PLOD2: variants seen among roughly 807,000 people sequenced by gnomAD.
The protein encoded by PLOD2 is procollagen-lysine,2-oxoglutarate 5-dioxygenase 2, also known as lysine hydroxylase 2.
Under a neutral mutation model 101.0 loss-of-function variants are expected in PLOD2, and 65 were observed. The ratio of observed to expected loss-of-function variants is 0.64; its 90% CI spans 0.53 to 0.79. PLOD2 has a LOEUF of 0.79. Among genes scored for constraint, PLOD2 ranks in the 30% least tolerant of loss-of-function variants. The pLI is 0.00. For synonymous variants in PLOD2, 314 were observed against 302.9 expected (o/e 1.04, Z -0.38); for missense variants, 909 against 914.6 (o/e 0.99, Z 0.08).
intron 15 of PLOD2, among the ~76,000 whole-genome samples, chr3:146,073,822 A>G (rs1181752208): frequency 4.0e-5 from 6 of 151,626 alleles, no homozygotes; most frequent in African/African-American, 1.5e-4. Flanking sequence ...AAAGACAAGG[A>G]GCAAAATTCT....
At chr3:146,159,744 A>T (rs1200506699) in intron 1 of PLOD2, among the ~76,000 whole-genome samples, 1 of 152,246 alleles carries the variant, frequency 6.6e-6, no homozygotes, top group African/African-American at 2.4e-5. Flanking sequence ...CAGAAAGAAA[A>T]GCATCCTGTA....
intron 12 of PLOD2, among the ~76,000 whole-genome samples, chr3:146,081,451 T>TAA (rs1936536628): frequency 6.6e-6 from 1 of 152,044 alleles, no homozygotes; most frequent in Non-Finnish European, 1.5e-5. Context: ...AAATAAAGAG[T>TAA]ATTACTCTTC....
chr3:146,090,012 T>G (rs1400618291), intron 8 of PLOD2, among the ~76,000 whole-genome samples: 1 of 151,534 alleles, frequency 6.6e-6, no homozygotes, highest in Non-Finnish European at 1.5e-5. Context: ...CCTAAGTTCA[T>G]GTTTATATAA....
At chr3:146,139,302 A>G (rs1410474117) in intron 1 of PLOD2, among the ~76,000 whole-genome samples, 1 of 152,196 alleles carries the variant, frequency 6.6e-6, no homozygotes, top group Non-Finnish European at 1.5e-5. Context: ...AAATTTTAAG[A>G]AAATGTTTAA....
chr3:146,125,471 G>A (rs2030496355), intron 1 of PLOD2, among the ~76,000 whole-genome samples: 1 of 152,076 alleles, frequency 6.6e-6, no homozygotes, highest in Non-Finnish European at 1.5e-5. Context: ...TCTTGGCCAG[G>A]CACGGTAGGT....
intron 9 of PLOD2, among the ~76,000 whole-genome samples, chr3:146,087,541 GATTATCTGTCTCCATC>G (rs1936823684): frequency 6.6e-6 from 1 of 151,838 alleles, no homozygotes; most frequent in Middle Eastern, 3.2e-3. Context: ...ATTCAGGTAA[GATTATCTGTCTCCATC>G]ATTAGAGCAT....
intron 3 of PLOD2, among the ~76,000 whole-genome samples, chr3:146,114,010 G>A (rs145465007): frequency 0.012 from 1,886 of 152,186 alleles, 18 homozygotes; most frequent in Middle Eastern, 0.027. Context: ...TGTCTTACAC[G>A]GTTGCAGATA....
intron 10 of PLOD2, 58 bp from the exon 11 acceptor site, chr3:146,085,331 A>C (rs1559839373): frequency 1.2e-6 from 1 of 842,336 alleles, no homozygotes; most frequent in Non-Finnish European, 2.1e-6. Flanking sequence ...CTGCTGACTG[A>C]AAAATGTTAA....
Position 146,096,501 on chromosome 3 carries a change from A to G in PLOD2, c.778-4600T>C, listed in dbSNP as rs1472516443. On this transcript the variant is annotated intron_variant, in intron 7 of 19. Transcript: ENST00000282903. ...GAGGAGCGTCTCTGCCCGGCCGCCC[A>G]TCGTCTGAGATGTGGGGAGCACCTC... is the stretch of plus-strand genomic sequence containing the variant. Among the ~76,000 whole-genome samples the G allele has an allele frequency of 3.0e-5, 2 of 67,248 alleles. 1 individual carries two copies. Among genetic ancestry groups the G allele is most frequent in the East Asian group, 1.0e-3 (2 of 1,996 alleles). The allele number at this position is 67,248 out of a possible 152,430, so 44.1% of individuals were successfully genotyped here.
chr3:146,101,917 C>A (rs1248524552), intron 7 of PLOD2, among the ~76,000 whole-genome samples: 1 of 152,128 alleles, frequency 6.6e-6, no homozygotes, highest in African/African-American at 2.4e-5. Flanking sequence ...CTAGAAGAGA[C>A]GGGAATCTAC....
Position 146,128,880 on chromosome 3 carries a change from C to CTTTTTTT in PLOD2, c.110-4658_110-4652dup, listed in dbSNP as rs3975816. 3.5e-3 allele frequency among the ~76,000 whole-genome samples: 260 copies of CTTTTTTT among 73,244 alleles called. 17 individuals carry two copies. The highest frequency in any genetic ancestry group is 7.6e-3 in the South Asian group (10 of 1,316). 48.1% of individuals were successfully genotyped at this position (73,244 alleles called of 152,430 possible). ...CAGCTTCTGAAGTCCATCTGAAATCCTTTTTTTTTTTTTTTTTTTTTTTTT... is the reference window on the plus strand; with the variant it reads ...CAGCTTCTGAAGTCCATCTGAAATCCTTTTTTTTTTTTTTTTTTTTTTTTTTTTTTTT... On this transcript the variant is annotated intron_variant, in intron 1 of 19. Transcript: ENST00000282903.
chr3:146,117,079 T>A (rs1418144244), intron 3 of PLOD2, among the ~76,000 whole-genome samples: 1 of 152,176 alleles, frequency 6.6e-6, no homozygotes, highest in African/African-American at 2.4e-5. Flanking sequence ...GTAAATTTAA[T>A]TAAATTCATT....
intron 3 of PLOD2, among the ~76,000 whole-genome samples, chr3:146,119,530 G>A (rs1207524549): frequency 6.6e-6 from 1 of 151,920 alleles, no homozygotes; most frequent in Non-Finnish European, 1.5e-5. Flanking sequence ...CCATGTTGGT[G>A]TGCTGCACCC....
intron 1 of PLOD2, among the ~76,000 whole-genome samples, chr3:146,143,443 T>C (rs1396345901): frequency 6.6e-6 from 1 of 152,076 alleles, no homozygotes; most frequent in African/African-American, 2.4e-5. Context: ...CCATCTAAGT[T>C]GACCACAAAT....
At chr3:146,114,957 C>A (rs1937834023) in intron 3 of PLOD2, among the ~76,000 whole-genome samples, 3 of 151,942 alleles carry the variant, frequency 2.0e-5, no homozygotes, top group Admixed American at 2.0e-4. Flanking sequence ...AGAAGAATTC[C>A]AGGATTCTGT....
chr3:146,076,304 C>G (rs953755394), intron 15 of PLOD2: 1 of 152,918 alleles, frequency 6.5e-6, no homozygotes, highest in Non-Finnish European at 1.5e-5. Flanking sequence ...GTATAGTATT[C>G]TATGGTGTGT....
chr3:146,159,052 A>G (rs114497826), intron 1 of PLOD2, among the ~76,000 whole-genome samples: 3 of 152,324 alleles, frequency 2.0e-5, no homozygotes, highest in African/African-American at 7.2e-5. Context: ...GTTTACCTCT[A>G]CATTTATTAG....
Position 146,106,597 on chromosome 3 carries a change from T to A in PLOD2, c.550A>T (p.Asn184Tyr). ...PYVNRIVQQW[N>Y]LQDNDDDQLF... Reference sequence around the variant, plus strand: ...TGATCATCATCATTATCCTGGAGATTCCATTGTTGAACTATACGGTTGACA... The same window carrying A: ...TGATCATCATCATTATCCTGGAGATACCATTGTTGAACTATACGGTTGACA... The change falls in exon 5 of 20, where the codon AAT (asparagine) becomes TAT (tyrosine). Residue 184 changes from asparagine to tyrosine, a missense_variant. Physicochemically the swap from Asn to Tyr is moderately radical, Grantham distance 143. Coordinates refer to ENST00000282903, the MANE Select transcript of PLOD2 (RefSeq NM_182943.3). 1 of 1,596,518 alleles carries A rather than the reference T, an allele frequency of 6.3e-7. No homozygotes were observed. Among genetic ancestry groups the A allele is most frequent in the Non-Finnish European group, 8.6e-7 (1 of 1,164,036 alleles).
At chr3:146,071,484 T>C (rs1252430325) in intron 17 of PLOD2, 61 bp from the exon 18 acceptor site, 6 of 1,502,134 alleles carry the variant, frequency 4.0e-6, no homozygotes, top group Admixed American at 1.7e-5. Context: ...ATTTATATTA[T>C]AGTATTTTTT....
Sources: allele counts gnomAD v4.1 joint callset (sites outside exome capture counted in the v4.1 genomes callset), GRCh38; gene constraint gnomAD v4.1.1; transcripts MANE v1.5; gene names NCBI Gene and HGNC (gene_info 2026-07-23, HGNC 2026-07-21).